The following WT1 variants were observed in gnomAD, a reference collection of about 807,000 sequenced individuals.
The protein encoded by WT1 is Wilms tumor protein.
Under a neutral mutation model 60.8 loss-of-function variants are expected in WT1, and 8 were observed. The ratio of observed to expected loss-of-function variants is 0.13; its 90% CI spans 0.08 to 0.24. The LOEUF (loss-of-function observed/expected upper bound fraction) is 0.24. Ranked by LOEUF, WT1 falls within the 10% of genes least tolerant of loss-of-function variation. The pLI, the probability that WT1 is intolerant of heterozygous loss-of-function variation, is 1.00. For missense variants in WT1, 568 were observed against 711.8 expected (o/e 0.80, Z 2.30); for synonymous variants, 312 against 297.1 (o/e 1.05, Z -0.52).
At position 32,416,556 on chromosome 11, in the gene WT1, A is replaced by C; in HGVS notation, c.966-16T>G. 1 of 1,614,142 alleles carries C rather than the reference A, an allele frequency of 6.2e-7. No homozygotes were observed. On this transcript the variant is annotated splice_polypyrimidine_tract_variant and intron_variant, in intron 4 of 9. Transcript: ENST00000452863. ...AGCAGCAACTCTAGAAAAGAAGAAG[A>C]GGTGGGGAGTGGGGAATGGAGCATG...
Position 32,418,830 on chromosome 11 carries a change from C to A in WT1, c.888-1176G>T, listed in dbSNP as rs5030189. Among the ~76,000 whole-genome samples the A allele has an allele frequency of 5.3e-3, 813 of 152,288 alleles. 11 individuals carry two copies. The highest frequency in any genetic ancestry group is 0.018 in the African/African-American group (765 of 41,544). On this transcript the variant is annotated intron_variant, in intron 3 of 9. Coordinates refer to ENST00000452863, the MANE Select transcript of WT1 (RefSeq NM_024426.6). ...ATAGCGTGATAAATCATGGCAGAGT[C>A]CATCTGACTCTCATATAATAACTCT... is the stretch of plus-strand genomic sequence containing the variant.
In WT1 at chr11:32,396,387, T is replaced by C. The variant is rs965752073; in HGVS notation, c.1134A>G (p.Gly378=). ...CCGACCGTACAAGAGTCGGGGCTAC[T>C]CCAGGCACACGTCGCACATCCTGCA... Residue 378 remains glycine, a synonymous_variant, in exon 7 of 10, where the codon GGA becomes GGG. Coordinates refer to ENST00000452863, the MANE Select transcript of WT1 (RefSeq NM_024426.6). 1 of 1,614,126 alleles carries C rather than the reference T, an allele frequency of 6.2e-7. No individual in the cohort carries two copies.
At chr11:32,393,136 C>G (rs1403766464) in intron 7 of WT1, among the ~76,000 whole-genome samples, 1 of 152,204 alleles carries the variant, frequency 6.6e-6, no homozygotes, top group Non-Finnish European at 1.5e-5. Context: ...AAAACAAAAT[C>G]TTTAACTCCC....
chr11:32,390,103 G>A (rs928575628), intron 9 of WT1, among the ~76,000 whole-genome samples: 2 of 152,110 alleles, frequency 1.3e-5, no homozygotes, highest in African/African-American at 2.4e-5. Flanking sequence ...TCCAGAGCCC[G>A]TGCTCTTCCC....
chr11:32,409,930 A>G (rs755566549), intron 5 of WT1, among the ~76,000 whole-genome samples: 1 of 145,990 alleles, frequency 6.8e-6, no homozygotes, highest in Non-Finnish European at 1.5e-5. Context: ...TTCTTTTTTT[A>G]TTTTTGTATT....
In WT1 at chr11:32,392,883, T is replaced by C. The variant is rs529036540; in HGVS notation, c.1265-128A>G. Reference sequence around the variant, plus strand: ...GGCACTTCGCTGGAGCTTGTTAGGGTAGGATGATCCCCAACTTGCAAGTTA... The same window carrying C: ...GGCACTTCGCTGGAGCTTGTTAGGGCAGGATGATCCCCAACTTGCAAGTTA... On this transcript the variant is annotated intron_variant, in intron 7 of 9. Coordinates refer to ENST00000452863, the MANE Select transcript of WT1 (RefSeq NM_024426.6). 8.1e-5 allele frequency: 63 copies of C among 780,136 alleles called. No homozygotes were observed. The African/African-American group carries it at 1.0e-3, about 13-fold the overall frequency. The allele number at this position is 780,136 out of a possible 1,614,324, so 48.3% of individuals were successfully genotyped here.
chr11:32,420,797 A>C (rs1459988076), intron 3 of WT1, among the ~76,000 whole-genome samples: 1 of 152,188 alleles, frequency 6.6e-6, no homozygotes, highest in African/African-American at 2.4e-5. Context: ...AAGATGCCCC[A>C]TGTGTCCTCT....
chr11:32,434,176 T>A (rs1035293559), intron 1 of WT1, among the ~76,000 whole-genome samples: 3 of 152,048 alleles, frequency 2.0e-5, no homozygotes, highest in East Asian at 3.8e-4. Flanking sequence ...TGCACCTAAG[T>A]GTGTGCCAAC....
At chr11:32,410,061 G>C (rs2133004564) in intron 5 of WT1, among the ~76,000 whole-genome samples, 1 of 152,294 alleles carries the variant, frequency 6.6e-6, no homozygotes, top group Non-Finnish European at 1.5e-5. Flanking sequence ...CTCCCGAGCA[G>C]CTGGGATTAC....
chr11:32,431,607 T>A (rs1055762352), intron 1 of WT1, among the ~76,000 whole-genome samples: 1 of 151,808 alleles, frequency 6.6e-6, no homozygotes, highest in African/African-American at 2.4e-5. Flanking sequence ...CGGCCAATTT[T>A]TTTTTTTGTA....
At position 32,388,820 on chromosome 11, in the gene WT1, C is replaced by G. The variant is rs1169824750; in HGVS notation, c.*238G>C. 1.5e-6 allele frequency: 1 copy of G among 645,526 alleles called. No homozygotes were observed. The highest frequency in any genetic ancestry group is 1.8e-5 in the African/African-American group (1 of 54,778). 40.0% of individuals were successfully genotyped at this position (645,526 alleles called of 1,614,324 possible). A position where few individuals can be genotyped will look rare whatever the true frequency, so the allele number is the denominator to read the frequency against. On this transcript the variant is annotated 3_prime_UTR_variant, in exon 10 of 10. Transcript: ENST00000452863. ...AAATGGCAATGGGCTTTTAACTAAC[C>G]AGACATTGTTAGCTGCTTCTCCAGG...
In WT1 at chr11:32,388,079, A is replaced by AT. The variant is rs5030326; in HGVS notation, c.*978dup. The AT allele has an allele frequency of 0.16, 38,226 of 236,018 alleles. 5,177 individuals are homozygous for AT. The highest frequency in any genetic ancestry group is 0.59 in the East Asian group (9,856 of 16,800). The allele number at this position is 236,018 out of a possible 1,614,324, so 14.6% of individuals were successfully genotyped here. A position where few individuals can be genotyped will look rare whatever the true frequency, so the allele number is the denominator to read the frequency against. Reference sequence around the variant, plus strand: ...TGGATTTCCTCACCCAGTAAGTCTCATTTTTTTCACATATACTTGTAGACC... The same window carrying AT: ...TGGATTTCCTCACCCAGTAAGTCTCATTTTTTTTCACATATACTTGTAGACC... On this transcript the variant is annotated 3_prime_UTR_variant, in exon 10 of 10. Transcript: ENST00000452863.
At chr11:32,433,504 ACT>A (rs772426427) in intron 1 of WT1, among the ~76,000 whole-genome samples, 1 of 151,964 alleles carries the variant, frequency 6.6e-6, no homozygotes, top group Non-Finnish European at 1.5e-5. Context: ...CAAAAGATAC[ACT>A]CTGCTTCCCA....
At chr11:32,428,189 A>G (rs1853128315) in intron 2 of WT1, 131 bp from the exon 3 acceptor site, 1 of 933,220 alleles carries the variant, frequency 1.1e-6, no homozygotes, top group Non-Finnish European at 1.6e-6. Context: ...CGGCGTGCAG[A>G]GCGAGGCCGT....
At chr11:32,394,071 TA>T (rs779017685) in intron 7 of WT1, among the ~76,000 whole-genome samples, 3 of 152,148 alleles carry the variant, frequency 2.0e-5, no homozygotes, top group East Asian at 3.9e-4. Context: ...TTTTTAAAAA[TA>T]TTTTTTTTAG....
At chr11:32,402,304 T>C (rs1461971163) in intron 5 of WT1, among the ~76,000 whole-genome samples, 1 of 152,150 alleles carries the variant, frequency 6.6e-6, no homozygotes, top group South Asian at 2.1e-4. Context: ...CCAAAGAACA[T>C]ATGCCCTTCT....
Position 32,403,834 on chromosome 11 carries a change from T to C in WT1, c.1017-3790A>G, listed in dbSNP as rs182570741. Among the ~76,000 whole-genome samples, 19 of 152,074 alleles carry C rather than the reference T, an allele frequency of 1.2e-4. No homozygotes were observed. The East Asian group carries it at 3.3e-3, about 27-fold the overall frequency. On this transcript the variant is annotated intron_variant, in intron 5 of 9. Transcript: ENST00000452863. ...ATGATCCTCCCGCCTCGGCTCCCATTGTGCTGGGATTACAGGTGTGAGCTA... is the reference window on the plus strand; with the variant it reads ...ATGATCCTCCCGCCTCGGCTCCCATCGTGCTGGGATTACAGGTGTGAGCTA...
At chr11:32,404,268 CAAAAAA>C (rs61611336) in intron 5 of WT1, among the ~76,000 whole-genome samples, 3 of 89,302 alleles carry the variant, frequency 3.4e-5, no homozygotes, top group Admixed American at 2.3e-4. Flanking sequence ...GACTCTGTCT[CAAAAAA>C]AAAAAAAAAA....
intron 7 of WT1, among the ~76,000 whole-genome samples, chr11:32,393,342 C>T (rs964018871): frequency 6.6e-6 from 1 of 152,162 alleles, no homozygotes; most frequent in Admixed American, 6.5e-5. Context: ...TTTTGGTGTG[C>T]TTTATCCAAG....
Sources: gnomAD v4.1 joint callset for allele counts (sites outside exome capture counted in the v4.1 genomes callset) on GRCh38, gnomAD v4.1.1 for gene constraint, MANE v1.5 for transcripts, NCBI Gene and HGNC (gene_info 2026-07-23, HGNC 2026-07-21) for gene names.